Variants in LINGO2 observed in about 807,000 individuals in gnomAD.
LINGO2 encodes the protein leucine-rich repeat and immunoglobulin-like domain-containing nogo receptor-interacting protein 2.
Under a neutral mutation model 30.6 loss-of-function variants are expected in LINGO2, and 14 were observed. The ratio of observed to expected loss-of-function variants is 0.46; its 90% confidence interval spans 0.30 to 0.72. LINGO2 has a LOEUF of 0.72. Ranked by LOEUF, LINGO2 falls within the 30% of genes least tolerant of loss-of-function variation. The pLI is 0.07. For missense variants in LINGO2, 729 were observed against 751.7 expected, an observed-to-expected ratio of 0.97 and a Z score of 0.35; for synonymous variants, 317 against 288.5, an observed-to-expected ratio of 1.10 and a Z score of -1.00.
At chr9:28,430,011 G>T (rs1359868121) in intron 2 of LINGO2, among the ~76,000 whole-genome samples, 1 of 152,104 alleles carries the variant, frequency 6.6e-6, no homozygotes, top group African/African-American at 2.4e-5. Context: ...TTAGATATGT[G>T]TGTGTCTAAT....
the LINGO2 span, among the ~76,000 whole-genome samples, chr9:28,770,344 A>G: frequency 6.6e-6 from 1 of 152,130 alleles, no homozygotes; most frequent in African/African-American, 2.4e-5. Context: ...TTCTCCTATT[A>G]CAAGTCTTCA....
At chr9:28,716,368 AT>A in the LINGO2 span, among the ~76,000 whole-genome samples, 11 of 152,108 alleles carry the variant, frequency 7.2e-5, no homozygotes, top group Admixed American at 2.0e-4. Flanking sequence ...GGAAACCTAG[AT>A]AGGAAAGGGT....
At chr9:28,467,171 A>G (rs529500177) in intron 2 of LINGO2, among the ~76,000 whole-genome samples, 27 of 151,900 alleles carry the variant, frequency 1.8e-4, no homozygotes, top group African/African-American at 6.3e-4. Context: ...GATTACAGGT[A>G]CCCACCACCA....
chr9:28,208,380 A>G (rs1298533958), intron 4 of LINGO2, among the ~76,000 whole-genome samples: 2 of 152,220 alleles, frequency 1.3e-5, no homozygotes, highest in Middle Eastern at 3.4e-3. Flanking sequence ...TTATGATGAT[A>G]TATCTTACGG....
intron 1 of LINGO2, among the ~76,000 whole-genome samples, chr9:28,655,935 A>G (rs748664895): frequency 7.9e-5 from 12 of 152,104 alleles, no homozygotes; most frequent in Non-Finnish European, 1.3e-4. Flanking sequence ...GTGAGCCAAA[A>G]TGTATCAATA....
At chr9:29,032,793 C>T in the LINGO2 span, among the ~76,000 whole-genome samples, 9 of 152,108 alleles carry the variant, frequency 5.9e-5, no homozygotes, top group South Asian at 4.1e-4. Flanking sequence ...TCACAACAGC[C>T]ACTTTTCAAG....
the LINGO2 span, among the ~76,000 whole-genome samples, chr9:28,935,671 G>A: frequency 6.7e-6 from 1 of 148,754 alleles, no homozygotes; most frequent in Non-Finnish European, 1.5e-5. Flanking sequence ...ATGTTATAGA[G>A]TCATAAGAGG....
chr9:28,089,167 G>A (rs576419395), intron 4 of LINGO2, among the ~76,000 whole-genome samples: 1 of 152,072 alleles, frequency 6.6e-6, no homozygotes, highest in African/African-American at 2.4e-5. Context: ...GAGACAGAAA[G>A]TTAACAAGGA....
At position 28,206,979 on chromosome 9, in the gene LINGO2, T is replaced by C. The variant is rs576034727; in HGVS notation, c.-87+88229A>G. ...ATTAGTCAACATTAGACACATTATG[T>C]ATACCTTTTGTGGGCATAGATAAAT... is the stretch of plus-strand genomic sequence containing the variant. On this transcript the variant is annotated intron_variant, in intron 4 of 5. Transcript: ENST00000379992. Among the ~76,000 whole-genome samples, 13 of 152,292 alleles carry C rather than the reference T, an allele frequency of 8.5e-5. No homozygotes were observed. The South Asian group carries it at 2.7e-3, about 32-fold the overall frequency.
intron 1 of LINGO2, among the ~76,000 whole-genome samples, chr9:28,647,705 T>C (rs1040868370): frequency 2.0e-5 from 3 of 152,040 alleles, no homozygotes; most frequent in Non-Finnish European, 4.4e-5. Context: ...CTTCAGGGAT[T>C]CAAAAATAAC....
chr9:28,251,809 A>G (rs1167570736), intron 4 of LINGO2, among the ~76,000 whole-genome samples: 1 of 152,184 alleles, frequency 6.6e-6, no homozygotes, highest in Non-Finnish European at 1.5e-5. Flanking sequence ...GAGGAATATT[A>G]TGTGATAATT....
chr9:28,803,144 T>C, the LINGO2 span, among the ~76,000 whole-genome samples: 1 of 152,056 alleles, frequency 6.6e-6, no homozygotes, highest in Admixed American at 6.6e-5. Flanking sequence ...GCAGACTGTA[T>C]CATCGAATTT....
chr9:28,446,085 A>T (rs576042258), intron 2 of LINGO2, among the ~76,000 whole-genome samples: 7 of 152,136 alleles, frequency 4.6e-5, no homozygotes, highest in South Asian at 2.1e-4. Flanking sequence ...ATTTGGGGAA[A>T]TTTTTTTCTT....
chr9:28,331,784 G>A (rs1363502245), intron 3 of LINGO2, among the ~76,000 whole-genome samples: 1 of 152,124 alleles, frequency 6.6e-6, no homozygotes, highest in African/African-American at 2.4e-5. Context: ...TAGGATTACA[G>A]GATGAGCCAC....
the LINGO2 span, among the ~76,000 whole-genome samples, chr9:28,963,844 A>G: frequency 6.6e-6 from 1 of 152,060 alleles, no homozygotes; most frequent in East Asian, 1.9e-4. Context: ...AGAAGGAATA[A>G]GTTCTAGTGT....
chr9:28,344,499 C>A (rs1458372652), intron 3 of LINGO2, among the ~76,000 whole-genome samples: 1 of 152,020 alleles, frequency 6.6e-6, no homozygotes, highest in Non-Finnish European at 1.5e-5. Flanking sequence ...TATGTCTATA[C>A]ATTCATGATT....
Position 28,459,286 on chromosome 9 carries a change from A to G in LINGO2, c.-279+16654T>C, listed in dbSNP as rs529962345. Among the ~76,000 whole-genome samples, 77 of 151,498 alleles carry G rather than the reference A, an allele frequency of 5.1e-4. 1 individual carries two copies. The highest frequency in any genetic ancestry group is 9.9e-4 in the Admixed American group (15 of 15,182). ...GAGAAAACTTAAAAAAAAAAAAACT[A>G]TGCACATGCTACTATTTTCTTGAAT... is the stretch of plus-strand genomic sequence containing the variant. On this transcript the variant is annotated intron_variant, in intron 2 of 5. Transcript: ENST00000379992.
downstream of LINGO2, chr9:27,943,259 T>G (rs2118148901): frequency 6.6e-6 from 1 of 152,320 alleles, no homozygotes; most frequent in Non-Finnish European, 1.5e-5. Context: ...CATAAAGTCT[T>G]TGGCTGACCC....
the LINGO2 span, among the ~76,000 whole-genome samples, chr9:28,909,229 T>C: frequency 6.6e-6 from 1 of 151,926 alleles, no homozygotes; most frequent in African/African-American, 2.4e-5. Context: ...CTTATTTTAA[T>C]GAAGACAAAT....
Sources: gnomAD v4.1 joint callset for allele counts (sites outside exome capture counted in the v4.1 genomes callset) on GRCh38, gnomAD v4.1.1 for gene constraint, MANE v1.5 for transcripts, NCBI Gene and HGNC (gene_info 2026-07-23, HGNC 2026-07-21) for gene names.